FKBP15: variants seen among roughly 807,000 people sequenced by gnomAD.
FKBP15 encodes the protein FKBP prolyl isomerase family member 15.
A neutral mutation model predicts 158.1 loss-of-function variants in FKBP15; 106 were observed. The ratio of observed to expected loss-of-function variants is 0.67; its 90% CI spans 0.57 to 0.79. The LOEUF (loss-of-function observed/expected upper bound fraction) is 0.79. FKBP15 is among the 30% of genes least tolerant of loss of function. The pLI is 0.00. For missense variants in FKBP15, 1,287 were observed against 1,479.1 expected, an observed-to-expected ratio of 0.87 and a Z score of 2.13; for synonymous variants, 547 against 548.6, an observed-to-expected ratio of 1.00 and a Z score of 0.04.
rs200054929 is a variant in FKBP15, at chr9:113,163,476, T to TA, written c.*2601dup. 1,130 of 152,784 alleles carry TA rather than the reference T, an allele frequency of 7.4e-3. 4 individuals are homozygous for TA. The highest frequency in any genetic ancestry group is 0.012 in the Admixed American group (191 of 15,302). 9.5% of individuals were successfully genotyped at this position (152,784 alleles called of 1,614,324 possible). A position where few individuals can be genotyped will look rare whatever the true frequency, so the allele number is the denominator to read the frequency against. On this transcript the variant is annotated 3_prime_UTR_variant, in exon 28 of 28. Transcript: ENST00000238256. ...TCATGTTGACAAACTAAGTTTTTTT[T>TA]ATTTTTCCCATTGAACTCCTAGTTG...
chr9:113,167,233 T>C (rs1362876643), intron 27 of FKBP15, among the ~76,000 whole-genome samples: 2 of 152,162 alleles, frequency 1.3e-5, no homozygotes, highest in Non-Finnish European at 2.9e-5. Flanking sequence ...ATATATAAAA[T>C]GGGATAAAAG....
Position 113,164,155 on chromosome 9 carries a change from TCTC to T in FKBP15, c.*1920_*1922del, listed in dbSNP as rs918304439. The stretch of plus-strand genomic sequence containing the variant: ...TTTAAATAGTCTATGACTGTTCTGT[TCTC>T]CTAATTCCAACAGAAAGCACATGAA... On this transcript the variant is annotated 3_prime_UTR_variant, in exon 28 of 28. Coordinates refer to ENST00000238256, the MANE Select transcript of FKBP15 (RefSeq NM_015258.2). 17 of 152,592 alleles carry T rather than the reference TCTC, an allele frequency of 1.1e-4. No individual in the cohort carries two copies. Among genetic ancestry groups the T allele is most frequent in the African/African-American group, 4.1e-4 (17 of 41,444 alleles). 9.5% of individuals were successfully genotyped at this position (152,592 alleles called of 1,614,324 possible).
Position 113,194,089 on chromosome 9 carries a change from A to T in FKBP15, c.945T>A (p.Gly315=), listed in dbSNP as rs1352366903. Residue 315 remains glycine, a synonymous_variant, in exon 10 of 28, where the codon GGT becomes GGA. Transcript: ENST00000238256. ...RDSAAPSPIP[G]ADNLSADPVV... ...CAGGATCAGCAGAGAGGTTGTCAGC[A>T]CCAGGGATGGGAGACGGAGCTGCAG... The T allele has an allele frequency of 3.7e-6, 6 of 1,613,622 alleles. No homozygotes were observed. The highest frequency in any genetic ancestry group is 5.1e-6 in the Non-Finnish European group (6 of 1,179,718).
intron 22 of FKBP15, among the ~76,000 whole-genome samples, chr9:113,174,163 T>G (rs1830261810): frequency 6.6e-6 from 1 of 152,200 alleles, no homozygotes; most frequent in South Asian, 2.1e-4. Context: ...CTTACCATGT[T>G]TGGAATTTTT....
chr9:113,217,207 T>G (rs1831154905), intron 1 of FKBP15, among the ~76,000 whole-genome samples: 3 of 143,310 alleles, frequency 2.1e-5, no homozygotes, highest in South Asian at 4.5e-4. Context: ...CCCAGTTTTT[T>G]TTTTTTTTTT....
intron 1 of FKBP15, among the ~76,000 whole-genome samples, chr9:113,212,551 C>G (rs558874929): frequency 5.3e-5 from 8 of 152,172 alleles, no homozygotes; most frequent in Non-Finnish European, 1.2e-4. Flanking sequence ...CCTCATACCA[C>G]CTTTTTATAC....
At chr9:113,188,563 C>T (rs1270253738) in intron 12 of FKBP15, 72 bp from the exon 13 acceptor site, 3 of 1,210,258 alleles carry the variant, frequency 2.5e-6, no homozygotes, top group Non-Finnish European at 3.6e-6. Context: ...GACTGTCTGC[C>T]CTAAACCTGC....
chr9:113,193,339 C>CTT (rs112281734), intron 11 of FKBP15, among the ~76,000 whole-genome samples, 153 bp downstream of exon 11: 1 of 145,948 alleles, frequency 6.9e-6, no homozygotes. Flanking sequence ...GAGAAAAACA[C>CTT]TTTTTTTTTT....
At chr9:113,197,552 C>T (rs1026116817) in intron 8 of FKBP15, among the ~76,000 whole-genome samples, 1 of 152,066 alleles carries the variant, frequency 6.6e-6, no homozygotes, top group African/African-American at 2.4e-5. Flanking sequence ...TCCTGTAGTC[C>T]CAGCTACTCG....
chr9:113,178,770 G>T lies in FKBP15; in HGVS notation c.1946C>A (p.Thr649Asn). 2 of 1,609,180 alleles carry T rather than the reference G, an allele frequency of 1.2e-6. No individual in the cohort carries two copies. The highest frequency in any genetic ancestry group is 1.7e-6 in the Non-Finnish European group (2 of 1,177,630). Residue 649 changes from threonine (T) to asparagine (N), a missense_variant, in exon 20 of 28, where the codon ACT becomes AAT. Physicochemically the swap from Thr to Asn is moderately conservative, Grantham distance 65. Transcript: ENST00000238256. ...CAGCTGCAGATGAGAGACCTGTGCAGTGGCCGCTGCTAACTCCTCTGTCAC... is the reference window on the plus strand; with the variant it reads ...CAGCTGCAGATGAGAGACCTGTGCATTGGCCGCTGCTAACTCCTCTGTCAC... ...AKVTEELAAATAQVSHLQLKM... is the reference protein window; with the variant it reads ...AKVTEELAAANAQVSHLQLKM...
At chr9:113,204,394 C>T (rs946487173) in intron 4 of FKBP15, among the ~76,000 whole-genome samples, 1 of 152,242 alleles carries the variant, frequency 6.6e-6, no homozygotes, top group African/African-American at 2.4e-5. Flanking sequence ...AAGACACAGA[C>T]ATTCGTTTCC....
In FKBP15 at chr9:113,168,638, C is replaced by G. The variant is rs538871755; in HGVS notation, c.3486-82G>C. ...CCACCACCTACAAGGGTCACCGGCC[C>G]TTGGGTAAGAATTCAACAGCGTTGG... On this transcript the variant is annotated intron_variant, in intron 26 of 27. Coordinates refer to ENST00000238256, the MANE Select transcript of FKBP15 (RefSeq NM_015258.2). 29 of 1,232,102 alleles carry G rather than the reference C, an allele frequency of 2.4e-5. No homozygotes were observed. The South Asian group carries it at 3.2e-4, about 13-fold the overall frequency. The allele number at this position is 1,232,102 out of a possible 1,614,324, so 76.3% of individuals were successfully genotyped here.
At chr9:113,203,513 C>A (rs1009559226) in intron 4 of FKBP15, among the ~76,000 whole-genome samples, 1 of 150,698 alleles carries the variant, frequency 6.6e-6, no homozygotes, top group African/African-American at 2.5e-5. Flanking sequence ...TGACTTCTGT[C>A]GCTGATTAAT....
chr9:113,219,883 A>G (rs1441943074), intron 1 of FKBP15, among the ~76,000 whole-genome samples: 1 of 152,244 alleles, frequency 6.6e-6, no homozygotes, highest in African/African-American at 2.4e-5. Context: ...AAAGAACTCA[A>G]AGTGGAACTA....
At chr9:113,179,088 T>C (rs1830347023) in intron 19 of FKBP15, among the ~76,000 whole-genome samples, 1 of 151,914 alleles carries the variant, frequency 6.6e-6, no homozygotes, top group South Asian at 2.1e-4. Flanking sequence ...TAGAGTGCAA[T>C]GACACGACAT....
intron 3 of FKBP15, 57 bp downstream of exon 3, chr9:113,207,155 G>GAAT (rs2118939074): frequency 7.0e-7 from 1 of 1,424,344 alleles, no homozygotes; most frequent in Non-Finnish European, 9.8e-7. Flanking sequence ...AGAAAAAGTA[G>GAAT]CTTAACTGCA....
At chr9:113,205,671 C>T (rs927119572) in intron 4 of FKBP15, among the ~76,000 whole-genome samples, 1 of 152,118 alleles carries the variant, frequency 6.6e-6, no homozygotes, top group Admixed American at 6.6e-5. Context: ...TCTTAGTATA[C>T]AGCCAAAATA....
chr9:113,169,324 T>G lies in FKBP15; in HGVS notation c.3385A>C (p.Thr1129Pro). 1.9e-6 allele frequency: 3 copies of G among 1,614,060 alleles called. No homozygotes were observed. Among genetic ancestry groups the G allele is most frequent in the African/African-American group, 1.3e-5 (1 of 75,054 alleles). Residue 1129 changes from threonine (T) to proline (P), a missense_variant, in exon 26 of 28, where the codon ACT becomes CCT. Thr to Pro is a conservative substitution (Grantham distance 38). Coordinates refer to ENST00000238256, the MANE Select transcript of FKBP15 (RefSeq NM_015258.2). ...QPPQLKKDDV[T>P]SSTGPHKELS... Reference sequence around the variant, plus strand: ...TCCTTGTGGGGACCGGTGGAGCTAGTGACATCATCTTTCTTGAGCTGTGGA... The same window carrying G: ...TCCTTGTGGGGACCGGTGGAGCTAGGGACATCATCTTTCTTGAGCTGTGGA...
In FKBP15 at chr9:113,162,459, T is replaced by C; in HGVS notation, c.*3619A>G. The stretch of plus-strand genomic sequence containing the variant: ...ATGCCTTACTGATGATTTTCTCTTA[T>C]TCCTTATCAGAAAGACAGATTATAG... On this transcript the variant is annotated 3_prime_UTR_variant, in exon 28 of 28. Transcript: ENST00000238256. 3.5e-6 allele frequency: 1 copy of C among 281,794 alleles called. No individual in the cohort carries two copies. Among genetic ancestry groups the C allele is most frequent in the Non-Finnish European group, 6.6e-6 (1 of 150,732 alleles). 17.5% of individuals were successfully genotyped at this position (281,794 alleles called of 1,614,324 possible).
Sources: allele counts gnomAD v4.1 joint callset (sites outside exome capture counted in the v4.1 genomes callset), GRCh38; gene constraint gnomAD v4.1.1; transcripts MANE v1.5; gene names NCBI Gene and HGNC (gene_info 2026-07-23, HGNC 2026-07-21).